TIAM2: variants seen among roughly 807,000 people sequenced by gnomAD.
TIAM2 encodes TIAM Rac1 associated GEF 2.
TIAM2 carries 80 observed loss-of-function variants against 152.9 expected under a neutral mutation model. That is an observed-to-expected ratio of 0.52 (90% CI 0.44 to 0.63). The LOEUF is 0.63. Among genes scored for constraint, TIAM2 ranks in the 30% least tolerant of loss-of-function variants. The probability of loss-of-function intolerance (pLI) is 0.00; values close to 1 mark genes in which losing one functional copy is unlikely to be tolerated. For synonymous variants in TIAM2, 804 were observed against 838.0 expected (o/e 0.96, Z 0.70); for missense variants, 1,965 against 2,120.1 (o/e 0.93, Z 1.44).
At chr6:155,051,189 C>T (rs1398682833) in intron 1 of TIAM2, among the ~76,000 whole-genome samples, 4 of 152,072 alleles carry the variant, frequency 2.6e-5, no homozygotes, top group African/African-American at 9.7e-5. Context: ...AACATGGAAA[C>T]GGAAGCACTT....
At chr6:155,052,571 G>A (rs1777341459) in intron 1 of TIAM2, among the ~76,000 whole-genome samples, 1 of 151,990 alleles carries the variant, frequency 6.6e-6, no homozygotes, top group South Asian at 2.1e-4. Flanking sequence ...CTCAAGACCA[G>A]CCTGGCCAAC....
chr6:155,027,600 TATATATA>T (rs1235908190), intron 1 of TIAM2, among the ~76,000 whole-genome samples: 13 of 76,950 alleles, frequency 1.7e-4, no homozygotes, highest in African/African-American at 7.3e-4. Context: ...ACATATATAC[TATATATA>T]ATATATGTAC....
chr6:155,057,024 T>C (rs1226438441), intron 1 of TIAM2, among the ~76,000 whole-genome samples: 2 of 121,814 alleles, frequency 1.6e-5, no homozygotes, highest in African/African-American at 6.7e-5. Flanking sequence ...TTTCTTTTTT[T>C]TTTTTTTTTT....
In TIAM2 at chr6:155,129,680, G is replaced by T. The variant is rs1446319195; in HGVS notation, c.457G>T (p.Gly153Cys). The part of the protein sequence containing the change: ...RNESIASTPP[G>C]EDRKSPRVLI... Reference sequence around the variant, plus strand: ...TGAGAGCATTGCCTCCACCCCACCGGGCGAAGACCGCAAGAGCCCCCGAGT... The same window carrying T: ...TGAGAGCATTGCCTCCACCCCACCGTGCGAAGACCGCAAGAGCCCCCGAGT... The change falls in exon 4 of 27, where the codon GGC (glycine) becomes TGC (cysteine). Residue 153 changes from glycine (G) to cysteine (C), a missense_variant. Gly to Cys is a radical substitution (Grantham distance 159). Transcript: ENST00000682666. The surrounding 1 kb of genome is among the most constrained non-coding windows in gnomAD (Gnocchi z 4.8). 6 of 1,614,106 alleles carry T rather than the reference G, an allele frequency of 3.7e-6. No homozygotes were observed. The South Asian group carries it at 6.6e-5, about 18-fold the overall frequency.
At position 155,183,640 on chromosome 6, in the gene TIAM2, A is replaced by G. The variant is rs1385054537; in HGVS notation, c.3064+140A>G. The G allele has an allele frequency of 4.2e-6, 4 of 956,766 alleles. No individual in the cohort carries two copies. The African/African-American group carries it at 5.0e-5, about 12-fold the overall frequency. 59.3% of individuals were successfully genotyped at this position (956,766 alleles called of 1,614,324 possible). A position where few individuals can be genotyped will look rare whatever the true frequency, so the allele number is the denominator to read the frequency against. ...ATTTATTAGAAGAACACAGATGCCAACTGGAGTAGATTTTATCAAAATTTC... is the reference window on the plus strand; with the variant it reads ...ATTTATTAGAAGAACACAGATGCCAGCTGGAGTAGATTTTATCAAAATTTC... On this transcript the variant is annotated intron_variant, in intron 14 of 26. Coordinates refer to ENST00000682666, the MANE Select transcript of TIAM2 (RefSeq NM_012454.4).
At chr6:155,043,787 C>T (rs1385149342) in intron 1 of TIAM2, among the ~76,000 whole-genome samples, 1 of 152,046 alleles carries the variant, frequency 6.6e-6, no homozygotes, top group East Asian at 1.9e-4. Context: ...GAATCTGAAG[C>T]CCATCAATTT....
chr6:155,256,779 C>G lies in TIAM2; in HGVS notation c.4764C>G (p.Ile1588Met), dbSNP rs41284228. The G allele has an allele frequency of 5.0e-6, 8 of 1,614,060 alleles. No homozygotes were observed. Among genetic ancestry groups the G allele is most frequent in the Non-Finnish European group, 6.8e-6 (8 of 1,180,042 alleles). Residue 1588 changes from isoleucine (I) to methionine (M), a missense_variant, in exon 27 of 27, where the codon ATC becomes ATG. Physicochemically the swap from Ile to Met is conservative, Grantham distance 10. This residue lies in a region of TIAM2 where 935 missense variants were observed against 980.0 expected (regional missense o/e 0.95). Transcript: ENST00000682666. Reference protein sequence around the residue: ...TVKQGSPTKDIEIQFQRLRIS... With the variant: ...TVKQGSPTKDMEIQFQRLRIS... ...AGCAGGGCAGCCCTACTAAAGACAT[C>G]GAAATTCAGTTCCAGAGACTGAGGA...
chr6:155,183,401 G>T lies in TIAM2; in HGVS notation c.2965G>T (p.Asp989Tyr). The T allele has an allele frequency of 6.2e-7, 1 of 1,614,144 alleles. No individual in the cohort carries two copies. The highest frequency in any genetic ancestry group is 8.5e-7 in the Non-Finnish European group (1 of 1,180,008). ...CCTGTGTACATCCTGGTCAGACAGT[G>T]ACCTGTTCTCCAGGGACCAGAAGAG... ...ATLCTSWSDSDLFSRDQKSLL... is the reference protein window; with the variant it reads ...ATLCTSWSDSYLFSRDQKSLL... The change falls in exon 14 of 27, where the codon GAC (aspartate) becomes TAC (tyrosine). Residue 989 changes from aspartate to tyrosine, a missense_variant. Coordinates refer to ENST00000682666, the MANE Select transcript of TIAM2 (RefSeq NM_012454.4).
rs73577453 is a variant in TIAM2, at chr6:155,215,308, G to A, written c.3168+4001G>A. 8.9e-3 allele frequency among the ~76,000 whole-genome samples: 1,363 copies of A among 152,312 alleles called. 22 individuals carry two copies. The highest frequency in any genetic ancestry group is 0.031 in the African/African-American group (1,309 of 41,560). On this transcript the variant is annotated intron_variant, in intron 15 of 26. Coordinates refer to ENST00000682666, the MANE Select transcript of TIAM2 (RefSeq NM_012454.4). ...TCAGAAATTTAGAAGAGGAGAGAAA[G>A]CTGCAATCAGGTTGAAATTGGGGCC...
chr6:155,076,175 C>G (rs1424824179), intron 1 of TIAM2, among the ~76,000 whole-genome samples: 1 of 151,992 alleles, frequency 6.6e-6, no homozygotes, highest in Non-Finnish European at 1.5e-5. Context: ...TGGGTTGGGG[C>G]GTGAGGCATG....
At chr6:155,208,906 G>A (rs956616084) in intron 14 of TIAM2, among the ~76,000 whole-genome samples, 40 of 152,168 alleles carry the variant, frequency 2.6e-4, no homozygotes, top group African/African-American at 8.9e-4. Flanking sequence ...CAAGTTCCCT[G>A]ATGGTGCCCG....
At position 155,164,321 on chromosome 6, in the gene TIAM2, T is replaced by C; in HGVS notation, c.2029-94T>C. The stretch of plus-strand genomic sequence containing the variant: ...AACCATGCAGACCAGCCGAAACTAA[T>C]TTTTTCTTCAAGTTTGTGAAAGGGA... On this transcript the variant is annotated intron_variant, in intron 7 of 26. Transcript: ENST00000682666. The C allele has an allele frequency of 3.1e-6, 4 of 1,275,974 alleles. No individual in the cohort carries two copies. The South Asian group carries it at 4.6e-5, about 15-fold the overall frequency. The allele number at this position is 1,275,974 out of a possible 1,614,324, so 79.0% of individuals were successfully genotyped here. A position where few individuals can be genotyped will look rare whatever the true frequency, so the allele number is the denominator to read the frequency against.
At chr6:155,019,573 C>T (rs940063516) in intron 1 of TIAM2, among the ~76,000 whole-genome samples, 1 of 152,188 alleles carries the variant, frequency 6.6e-6, no homozygotes, top group African/African-American at 2.4e-5. Flanking sequence ...TCCAGTGGGA[C>T]TGCTGTGGTT....
At position 155,163,150 on chromosome 6, in the gene TIAM2, G is replaced by C. The variant is rs146847490; in HGVS notation, c.2029-1265G>C. 4.8e-3 allele frequency among the ~76,000 whole-genome samples: 732 copies of C among 152,288 alleles called. 2 individuals carry two copies. The highest frequency in any genetic ancestry group is 7.8e-3 in the Non-Finnish European group (529 of 68,030). Reference sequence around the variant, plus strand: ...AGCTTGGTGTGAAAGGCTAGGATCTGTCTGGGTGCTCAGCAACATGGCAGA... The same window carrying C: ...AGCTTGGTGTGAAAGGCTAGGATCTCTCTGGGTGCTCAGCAACATGGCAGA... On this transcript the variant is annotated intron_variant, in intron 7 of 26. Transcript: ENST00000682666.
In TIAM2 at chr6:155,244,023, C is replaced by G. The variant is rs1296442107; in HGVS notation, c.3361C>G (p.Leu1121Val). ...TATTTTCTTTCAGGATTTGAGCTGC[C>G]TCTTTGAATTATACTTGGAGCCACT... ...EKSYVKDLSC[L>V]FELYLEPLQN... Residue 1121 changes from leucine to valine, a missense_variant, in exon 17 of 27, where the codon CTC becomes GTC. Coordinates refer to ENST00000682666, the MANE Select transcript of TIAM2 (RefSeq NM_012454.4). The G allele has an allele frequency of 6.2e-7, 1 of 1,614,048 alleles. No homozygotes were observed. Among genetic ancestry groups the G allele is most frequent in the Non-Finnish European group, 8.5e-7 (1 of 1,180,000 alleles).
At chr6:155,135,017 A>T (rs1779527269) in intron 4 of TIAM2, among the ~76,000 whole-genome samples, 1 of 152,066 alleles carries the variant, frequency 6.6e-6, no homozygotes, top group African/African-American at 2.4e-5. Context: ...GAGTTTTTGA[A>T]AAGCAACAAA....
intron 2 of TIAM2, among the ~76,000 whole-genome samples, chr6:155,122,868 A>C (rs1385092692): frequency 7.4e-5 from 11 of 149,410 alleles, no homozygotes; most frequent in Non-Finnish European, 1.5e-5. Flanking sequence ...TTTTTTGAAG[A>C]GTTTACATGA....
At chr6:155,211,616 C>A (rs1781722320) in intron 15 of TIAM2, among the ~76,000 whole-genome samples, 1 of 151,754 alleles carries the variant, frequency 6.6e-6, no homozygotes, top group Non-Finnish European at 1.5e-5. Context: ...ACAAGGAAAA[C>A]CTTGTCAAAA....
At chr6:155,153,255 C>T (rs12663386) in intron 7 of TIAM2, among the ~76,000 whole-genome samples, 10,101 of 152,152 alleles carry the variant, frequency 0.066, 383 homozygotes, top group African/African-American at 0.1. Context: ...GCCGTACATG[C>T]ACTCCCTTTC....
Sources: allele counts gnomAD v4.1 joint callset (sites outside exome capture counted in the v4.1 genomes callset), GRCh38; gene constraint gnomAD v4.1.1; regional missense constraint gnomAD v4.1.1; non-coding constraint Gnocchi (gnomAD v3.1); transcripts MANE v1.5; gene names NCBI Gene and HGNC (gene_info 2026-07-23, HGNC 2026-07-21).